PDGFRL: variants seen among roughly 807,000 people sequenced by gnomAD.
PDGFRL encodes the protein platelet derived growth factor receptor like.
Under a neutral mutation model 37.2 loss-of-function variants are expected in PDGFRL, and 46 were observed. The ratio of observed to expected loss-of-function variants is 1.24; its 90% CI spans 0.98 to 1.58. PDGFRL has a LOEUF of 1.58. PDGFRL is among the 40% of genes most tolerant of loss of function. The pLI is 0.00. For synonymous variants in PDGFRL, 251 were observed against 184.3 expected (o/e 1.36, Z -2.93); for missense variants, 692 against 467.6 (o/e 1.48, Z -4.43).
chr8:17,640,474 C>G (rs897266791), intron 5 of PDGFRL, among the ~76,000 whole-genome samples: 44 of 152,302 alleles, frequency 2.9e-4, no homozygotes, highest in African/African-American at 9.6e-4. Context: ...GGGGTGCTCT[C>G]TTGATACAGT....
At chr8:17,618,912 G>GATCC (rs2129755112) in intron 2 of PDGFRL, among the ~76,000 whole-genome samples, 1 of 152,032 alleles carries the variant, frequency 6.6e-6, no homozygotes, top group East Asian at 1.9e-4. Flanking sequence ...CCTGAGAGTC[G>GATCC]ATCCTAATTA....
At chr8:17,586,942 C>A (rs1418804908) in intron 1 of PDGFRL, among the ~76,000 whole-genome samples, 3 of 152,134 alleles carry the variant, frequency 2.0e-5, no homozygotes, top group Admixed American at 2.0e-4. Context: ...GCAATAGTCT[C>A]AAAAATTCAA....
intron 2 of PDGFRL, among the ~76,000 whole-genome samples, chr8:17,600,822 A>C (rs1179561876): frequency 7.2e-6 from 1 of 139,360 alleles, no homozygotes; most frequent in Non-Finnish European, 1.6e-5. Context: ...AAACAAAAAA[A>C]CCTCTAAAAA....
At chr8:17,616,547 G>A (rs1804532773) in intron 2 of PDGFRL, among the ~76,000 whole-genome samples, 2 of 152,122 alleles carry the variant, frequency 1.3e-5, no homozygotes, top group African/African-American at 4.8e-5. Context: ...TTGTCGTCCA[G>A]AATAACATCG....
chr8:17,613,348 C>G (rs879097499), intron 2 of PDGFRL, among the ~76,000 whole-genome samples: 1 of 152,070 alleles, frequency 6.6e-6, no homozygotes, highest in East Asian at 1.9e-4. Context: ...GGAGCTTTTC[C>G]TTTGTAAAGG....
chr8:17,608,308 C>G (rs1804328426), intron 2 of PDGFRL, among the ~76,000 whole-genome samples: 1 of 152,200 alleles, frequency 6.6e-6, no homozygotes, highest in Admixed American at 6.5e-5. Context: ...AGCACCAGCT[C>G]ACCCTTCCCT....
intron 2 of PDGFRL, among the ~76,000 whole-genome samples, chr8:17,620,086 C>T (rs1400105750): frequency 6.6e-6 from 1 of 152,112 alleles, no homozygotes; most frequent in Non-Finnish European, 1.5e-5. Context: ...CCTTAGCCTA[C>T]CAAGTAGCTA....
intron 2 of PDGFRL, among the ~76,000 whole-genome samples, chr8:17,604,318 A>C (rs955101795): frequency 6.6e-6 from 1 of 152,214 alleles, no homozygotes; most frequent in East Asian, 1.9e-4. Context: ...CACAATAGCA[A>C]AGACTTGGAA....
chr8:17,601,554 T>C (rs999931527), intron 2 of PDGFRL, among the ~76,000 whole-genome samples: 1 of 151,702 alleles, frequency 6.6e-6, no homozygotes, highest in African/African-American at 2.4e-5. Context: ...TGGTGTAGAT[T>C]ATTTCATTAT....
intron 4 of PDGFRL, among the ~76,000 whole-genome samples, chr8:17,630,805 A>G (rs1804846190): frequency 6.6e-6 from 1 of 151,484 alleles, no homozygotes; most frequent in Admixed American, 6.6e-5. Flanking sequence ...CACAGGTGAT[A>G]GGGACTCACC....
At position 17,642,601 on chromosome 8, in the gene PDGFRL, G is replaced by GTCGT; in HGVS notation, c.940-10_940-7dup. ...CCCTCTTGCTTCAGTCTTTGTGGGT[G>GTCGT]TCGTTAAACAGGATGAAAGGCCTGT... On this transcript the variant is annotated splice_polypyrimidine_tract_variant and intron_variant, in intron 5 of 5. Coordinates refer to ENST00000251630, the MANE Select transcript of PDGFRL (RefSeq NM_001372073.1). 1 of 1,573,494 alleles carries GTCGT rather than the reference G, an allele frequency of 6.4e-7. No individual in the cohort carries two copies. Among genetic ancestry groups the GTCGT allele is most frequent in the Non-Finnish European group, 8.7e-7 (1 of 1,143,286 alleles).
chr8:17,580,528 A>G (rs1314243449), intron 1 of PDGFRL, among the ~76,000 whole-genome samples: 1 of 152,188 alleles, frequency 6.6e-6, no homozygotes. Flanking sequence ...TCTGGTGGTC[A>G]GAGGACTGAT....
At chr8:17,601,911 C>G (rs1481993066) in intron 2 of PDGFRL, among the ~76,000 whole-genome samples, 1 of 152,128 alleles carries the variant, frequency 6.6e-6, no homozygotes, top group Non-Finnish European at 1.5e-5. Flanking sequence ...GCTCTTGTGA[C>G]TAGTGCTGCA....
intron 2 of PDGFRL, among the ~76,000 whole-genome samples, chr8:17,600,606 C>G (rs1804146104): frequency 6.6e-6 from 1 of 151,064 alleles, no homozygotes; most frequent in Non-Finnish European, 1.5e-5. Flanking sequence ...TTGAGACCAG[C>G]CTGAGCAACA....
intron 3 of PDGFRL, among the ~76,000 whole-genome samples, chr8:17,626,072 A>T (rs1298138854): frequency 6.6e-6 from 1 of 152,266 alleles, no homozygotes; most frequent in Non-Finnish European, 1.5e-5. Context: ...GGCTCTGCTT[A>T]TCGCTTCAGA....
In PDGFRL at chr8:17,589,644, C is replaced by T. The variant is rs1297266947; in HGVS notation, c.232C>T (p.Gln78Ter). ...GCAAGTGCTGGATAAAGGTCGCTTC[C>T]AGAAACCCGCCGCTACCCTGAGTCT... ...MMQVLDKGRF[Q>*]KPAATLSLLA... Residue 78 changes from glutamine to a stop codon, truncating the protein, a stop_gained, in exon 2 of 6, where the codon CAG (glutamine) becomes TAG (stop). Transcript: ENST00000251630. LOFTEE classifies it high-confidence loss of function. 1 of 1,613,776 alleles carries T rather than the reference C, an allele frequency of 6.2e-7. No homozygotes were observed. The highest frequency in any genetic ancestry group is 8.5e-7 in the Non-Finnish European group (1 of 1,179,898).
rs764412051 is a variant in PDGFRL, at chr8:17,642,692, G to C, written c.1019G>C (p.Ser340Thr). 6.2e-7 allele frequency: 1 copy of C among 1,603,462 alleles called. No individual in the cohort carries two copies. The highest frequency in any genetic ancestry group is 1.1e-5 in the South Asian group (1 of 90,872). Residue 340 changes from serine (S) to threonine (T), a missense_variant, in exon 6 of 6, where the codon AGT becomes ACT. By Grantham distance (58) the Ser-to-Thr change is moderately conservative (BLOSUM62 1). Transcript: ENST00000251630. ...GLGHTTRISQSVITVEDFETI... is the reference protein window; with the variant it reads ...GLGHTTRISQTVITVEDFETI... ...GGACACACCACGAGAATCTCCCAGA[G>C]TGTCATTACAGTGGAAGACTTTGAG...
At chr8:17,625,658 A>G (rs1435788325) in intron 3 of PDGFRL, among the ~76,000 whole-genome samples, 2 of 152,180 alleles carry the variant, frequency 1.3e-5, no homozygotes, top group African/African-American at 4.8e-5. Flanking sequence ...ATTTCAAAGT[A>G]TGTATTATAG....
intron 2 of PDGFRL, 68 bp downstream of exon 2, chr8:17,589,833 C>A (rs1803896966): frequency 4.4e-6 from 4 of 902,146 alleles, no homozygotes; most frequent in Non-Finnish European, 5.1e-6. Flanking sequence ...TCCTTCTTAA[C>A]TATTATTACA....
Sources: allele counts gnomAD v4.1 joint callset (sites outside exome capture counted in the v4.1 genomes callset), GRCh38; gene constraint gnomAD v4.1.1; transcripts MANE v1.5; gene names NCBI Gene and HGNC (gene_info 2026-07-23, HGNC 2026-07-21).